Variants in ZC3H7A observed in about 807,000 individuals in gnomAD.
ZC3H7A encodes zinc finger CCCH-type containing 7A, also known as zinc finger CCCH domain-containing protein 7A.
In ZC3H7A, 44 loss-of-function variants were observed where a neutral mutation model predicts 125.5. The ratio of observed to expected loss-of-function variants is 0.35; its 90% CI spans 0.28 to 0.45. The LOEUF (loss-of-function observed/expected upper bound fraction) is 0.45. Ranked by LOEUF, ZC3H7A falls within the 20% of genes least tolerant of loss-of-function variation. The probability of loss-of-function intolerance (pLI) is 1.00; values close to 1 mark genes in which losing one functional copy is unlikely to be tolerated. For synonymous variants in ZC3H7A, 399 were observed against 391.2 expected, an observed-to-expected ratio of 1.02 and a Z score of -0.23; for missense variants, 977 against 1,170.7, an observed-to-expected ratio of 0.83 and a Z score of 2.41.
In ZC3H7A at chr16:11,793,851, A is replaced by C. The variant is rs572555994; in HGVS notation, c.-35+3273T>G. ...TGAAAAGGAAAATTTCATGAGAGACAGTATGCCAAACAACAGCAGGAAGGT... is the reference window on the plus strand; with the variant it reads ...TGAAAAGGAAAATTTCATGAGAGACCGTATGCCAAACAACAGCAGGAAGGT... On this transcript the variant is annotated intron_variant, in intron 1 of 22. Coordinates refer to ENST00000355758, the MANE Select transcript of ZC3H7A (RefSeq NM_014153.4). Among the ~76,000 whole-genome samples the C allele has an allele frequency of 6.6e-5, 10 of 152,328 alleles. No individual in the cohort carries two copies. The South Asian group carries it at 2.1e-3, about 32-fold the overall frequency.
chr16:11,775,485 G>C (rs1435821310), intron 7 of ZC3H7A: 1 of 154,496 alleles, frequency 6.5e-6, no homozygotes, highest in African/African-American at 2.4e-5. Flanking sequence ...ACGCAAACCT[G>C]TATACATGTG....
chr16:11,768,872 C>T (rs894578685), intron 11 of ZC3H7A, among the ~76,000 whole-genome samples, 159 bp downstream of exon 11: 5 of 152,120 alleles, frequency 3.3e-5, no homozygotes, highest in East Asian at 1.9e-4. Flanking sequence ...AACACAGAGC[C>T]GTTATTACTA....
chr16:11,796,148 G>C (rs1211978122), intron 1 of ZC3H7A: 1 of 152,202 alleles, frequency 6.6e-6, no homozygotes, highest in Non-Finnish European at 1.5e-5. Flanking sequence ...TAATTTTAAT[G>C]ATCTATTTTC....
chr16:11,779,631 G>A lies in ZC3H7A; in HGVS notation c.109-268C>T, dbSNP rs117960438. On this transcript the variant is annotated intron_variant, in intron 3 of 22. Coordinates refer to ENST00000355758, the MANE Select transcript of ZC3H7A (RefSeq NM_014153.4). ...AATATTTGTTCACATCTCCAATTCT[G>A]TGCCCGCTAGAGAAACCAAGTGGAA... is the stretch of plus-strand genomic sequence containing the variant. Among the ~76,000 whole-genome samples the A allele has an allele frequency of 2.6e-5, 4 of 152,298 alleles. No individual in the cohort carries two copies. In the East Asian group the frequency reaches 7.7e-4, roughly 29 times the overall value.
chr16:11,775,993 C>A (rs900758941), intron 7 of ZC3H7A, among the ~76,000 whole-genome samples: 3 of 152,104 alleles, frequency 2.0e-5, no homozygotes, highest in Non-Finnish European at 4.4e-5. Context: ...AACCCCATCG[C>A]TACAAAAAAT....
intron 1 of ZC3H7A, 166 bp downstream of exon 1, chr16:11,796,958 A>AGGGTCCTCTC (rs1327731916): frequency 7.0e-4 from 103 of 147,916 alleles, no homozygotes; most frequent in African/African-American, 2.4e-3. Context: ...GGCTCCTCTC[A>AGGGTCCTCTC]GGGTCCTCTC....
At chr16:11,774,952 A>T in intron 8 of ZC3H7A, 28 bp downstream of exon 8, 1 of 1,613,322 alleles carries the variant, frequency 6.2e-7, no homozygotes, top group African/African-American at 1.3e-5. Context: ...CACTATTCAA[A>T]TTGTTAAGAT....
At chr16:11,790,148 G>T (rs1307622366) in intron 1 of ZC3H7A, among the ~76,000 whole-genome samples, 1 of 149,932 alleles carries the variant, frequency 6.7e-6, no homozygotes, top group East Asian at 1.9e-4. Context: ...TATTTTGCCA[G>T]CTATTGACAC....
Position 11,751,222 on chromosome 16 carries a change from C to G in ZC3H7A, c.*95G>C. ...GAGGAACGATATACGCCAATACAAGCAGGAAATCTGCAGCTCCTCTGCTAT... is the reference window on the plus strand; with the variant it reads ...GAGGAACGATATACGCCAATACAAGGAGGAAATCTGCAGCTCCTCTGCTAT... On this transcript the variant is annotated 3_prime_UTR_variant, in exon 23 of 23. Transcript: ENST00000355758. The G allele has an allele frequency of 7.6e-7, 1 of 1,319,742 alleles. No individual in the cohort carries two copies. Among genetic ancestry groups the G allele is most frequent in the Non-Finnish European group, 1.0e-6 (1 of 978,428 alleles). The allele number at this position is 1,319,742 out of a possible 1,614,324, so 81.8% of individuals were successfully genotyped here. A position where few individuals can be genotyped will look rare whatever the true frequency, so the allele number is the denominator to read the frequency against.
rs2052689877 is a variant in ZC3H7A at position 11,758,480 on chromosome 16, A to C, written c.2379T>G (p.Ala793=). 1 of 1,613,930 alleles carries C rather than the reference A, an allele frequency of 6.2e-7. No homozygotes were observed. Among genetic ancestry groups the C allele is most frequent in the South Asian group, 1.1e-5 (1 of 91,076 alleles). ...AAACTTCTCTTTCCTCAGGACTATG[A>C]GCAAAGGAACAGTTTCCAACATATT... is the stretch of plus-strand genomic sequence containing the variant. The part of the protein sequence containing the change: ...KCQYVGNCSF[A]HSPEEREVWT... Residue 793 remains alanine (A), a synonymous_variant, in exon 20 of 23, where the codon GCT becomes GCG. Coordinates refer to ENST00000355758, the MANE Select transcript of ZC3H7A (RefSeq NM_014153.4).
chr16:11,752,665 A>G lies in ZC3H7A; in HGVS notation c.2726+4T>C, dbSNP rs374752929. ...ACATGGAAAAATTGTAGAAACCTAC[A>G]TACCTATCACAAATACTGAAATAGC... is the stretch of plus-strand genomic sequence containing the variant. On this transcript the variant is annotated splice_donor_region_variant and intron_variant, in intron 22 of 22. Coordinates refer to ENST00000355758, the MANE Select transcript of ZC3H7A (RefSeq NM_014153.4). 5.0e-6 allele frequency: 8 copies of G among 1,609,966 alleles called. No homozygotes were observed. In the African/African-American group the frequency reaches 8.1e-5, roughly 16 times the overall value.
In ZC3H7A at chr16:11,767,532, C is replaced by T. The variant is rs201612837; in HGVS notation, c.1407G>A (p.Lys469=). The change falls in exon 13 of 23, where the codon AAG becomes AAA. Residue 469 remains lysine, a synonymous_variant. Transcript: ENST00000355758. ...DFTYHANIDH[K]CKKDILIGRI... ...TACCGATTAAAATATCTTTCTTACA[C>T]TTATGATCTATGTTAGCATGGTAAG... 44 of 1,611,374 alleles carry T rather than the reference C, an allele frequency of 2.7e-5. No homozygotes were observed. The highest frequency in any genetic ancestry group is 3.6e-5 in the Non-Finnish European group (43 of 1,178,952).
At chr16:11,794,048 T>C (rs573374728) in intron 1 of ZC3H7A, among the ~76,000 whole-genome samples, 7 of 152,204 alleles carry the variant, frequency 4.6e-5, no homozygotes, top group Non-Finnish European at 8.8e-5. Flanking sequence ...CCCTGCTAAG[T>C]GGTGGTTCCC....
intron 17 of ZC3H7A, 150 bp downstream of exon 17, chr16:11,762,521 A>G: frequency 1.4e-6 from 1 of 724,914 alleles, no homozygotes; most frequent in East Asian, 2.7e-5. Flanking sequence ...CTAAAATGCA[A>G]ATTGTTTTTT....
intron 15 of ZC3H7A, among the ~76,000 whole-genome samples, chr16:11,764,092 C>T (rs541685262): frequency 6.6e-6 from 1 of 152,110 alleles, no homozygotes; most frequent in African/African-American, 2.4e-5. Flanking sequence ...TGGAGCCCAG[C>T]CCTACATTTT....
Position 11,796,386 on chromosome 16 carries a change from A to G in ZC3H7A, c.-35+738T>C, listed in dbSNP as rs907919009. 5 of 152,272 alleles carry G rather than the reference A, an allele frequency of 3.3e-5. No homozygotes were observed. The East Asian group carries it at 5.8e-4, about 18-fold the overall frequency. 9.4% of individuals were successfully genotyped at this position (152,272 alleles called of 1,614,324 possible). A position where few individuals can be genotyped will look rare whatever the true frequency, so the allele number is the denominator to read the frequency against. On this transcript the variant is annotated intron_variant, in intron 1 of 22. Transcript: ENST00000355758. ...GCATGGCAAGGTCCTTCGTGGTTCA[A>G]TACCGAACACGGGCAACTCCTTTTC...
At chr16:11,754,321 A>AAAT (rs763451215) in intron 21 of ZC3H7A, among the ~76,000 whole-genome samples, 6,339 of 140,202 alleles carry the variant, frequency 0.045, 191 homozygotes, top group South Asian at 0.13. Flanking sequence ...AAGAAAAAAA[A>AAAT]ATATATATAT....
intron 1 of ZC3H7A, among the ~76,000 whole-genome samples, chr16:11,795,972 C>T (rs778588854): frequency 2.0e-5 from 3 of 151,848 alleles, no homozygotes; most frequent in South Asian, 4.2e-4. Flanking sequence ...AGCTGACTAC[C>T]GGCGTGCGCC....
At chr16:11,763,978 T>C (rs2052807030) in intron 15 of ZC3H7A, among the ~76,000 whole-genome samples, 1 of 151,206 alleles carries the variant, frequency 6.6e-6, no homozygotes, top group African/African-American at 2.4e-5. Flanking sequence ...TAATTTTTAA[T>C]AGAGACGGGG....
Sources: allele counts gnomAD v4.1 joint callset (sites outside exome capture counted in the v4.1 genomes callset), GRCh38; gene constraint gnomAD v4.1.1; transcripts MANE v1.5; gene names NCBI Gene and HGNC (gene_info 2026-07-23, HGNC 2026-07-21).